The following PKD1L3 variants were observed in gnomAD, a reference collection of about 807,000 sequenced individuals.
PKD1L3 encodes polycystin-1-like protein 3.
In PKD1L3, 239 loss-of-function variants were observed where a neutral mutation model predicts 184.1. The observed-to-expected ratio is 1.30, with a 90% CI of 1.17 to 1.45. PKD1L3 has a LOEUF of 1.45. PKD1L3 is among the 40% of genes most tolerant of loss of function. The pLI, the probability that PKD1L3 is intolerant of heterozygous loss-of-function variation, is 0.00. For missense variants in PKD1L3, 2,660 were observed against 2,067.2 expected (o/e 1.29, Z -5.56); for synonymous variants, 996 against 778.8 (o/e 1.28, Z -4.64).
Position 71,933,833 on chromosome 16 carries a change from G to A in PKD1L3, c.4824+82C>T, listed in dbSNP as rs931287765. On this transcript the variant is annotated intron_variant, in intron 27 of 29. Transcript: ENST00000620267. ...CTACTGTACCACCTCGGGTTTCTGT[G>A]TTGTGACCATTTCTATGGGAAGCGA... is the stretch of plus-strand genomic sequence containing the variant. 10 of 1,458,248 alleles carry A rather than the reference G, an allele frequency of 6.9e-6. No individual in the cohort carries two copies. In the African/African-American group the frequency reaches 8.4e-5, roughly 12 times the overall value. 90.3% of individuals were successfully genotyped at this position (1,458,248 alleles called of 1,614,324 possible).
Position 71,990,282 on chromosome 16 carries a change from G to T in PKD1L3, c.583C>A (p.Leu195Ile), listed in dbSNP as rs1322704270. ...ATGTTGTCAAGGGAAGCACTTACAA[G>T]ATGAGCAGGAAGAGGATAGTGACAT... The part of the protein sequence containing the change: ...TTCHYPLPAH[L>I]SKTLCHPISQ... The change falls in exon 4 of 30, where the codon CTT becomes ATT. Residue 195 changes from leucine (L) to isoleucine (I), a missense_variant and splice_region_variant. Leu to Ile is a conservative substitution (Grantham distance 5, BLOSUM62 2). Coordinates refer to ENST00000620267, the MANE Select transcript of PKD1L3 (RefSeq NM_181536.2). 19 of 1,545,704 alleles carry T rather than the reference G, an allele frequency of 1.2e-5. No individual in the cohort carries two copies. In the East Asian group the frequency reaches 4.4e-4, roughly 36 times the overall value.
At chr16:71,992,046 C>T (rs1001013274) in intron 3 of PKD1L3, among the ~76,000 whole-genome samples, 3 of 152,066 alleles carry the variant, frequency 2.0e-5, no homozygotes, top group Non-Finnish European at 4.4e-5. Flanking sequence ...GACTGGAACT[C>T]CTGGCCTCAA....
At chr16:71,974,791 C>T (rs1448369209) in intron 11 of PKD1L3, among the ~76,000 whole-genome samples, 2 of 152,156 alleles carry the variant, frequency 1.3e-5, no homozygotes, top group Non-Finnish European at 2.9e-5. Context: ...ATTGCTGCCT[C>T]GGGGACTTTG....
At chr16:71,982,024 A>T in intron 7 of PKD1L3, 35 bp downstream of exon 7, 1 of 1,500,474 alleles carries the variant, frequency 6.7e-7, no homozygotes, top group East Asian at 2.5e-5. Flanking sequence ...AAATGCTTCT[A>T]AGCAGATCTG....
At chr16:71,961,696 G>C (rs1160551694) in intron 16 of PKD1L3, among the ~76,000 whole-genome samples, 1 of 152,074 alleles carries the variant, frequency 6.6e-6, no homozygotes, top group Non-Finnish European at 1.5e-5. Flanking sequence ...GACCCAGCCA[G>C]GATGAAAGAT....
At chr16:71,960,045 T>C (rs2039209532) in intron 16 of PKD1L3, among the ~76,000 whole-genome samples, 2 of 152,016 alleles carry the variant, frequency 1.3e-5, no homozygotes, top group African/African-American at 4.8e-5. Context: ...CACCTGAGGC[T>C]GGCGAGGTTG....
chr16:71,990,424 T>C, intron 3 of PKD1L3, 95 bp from the exon 4 acceptor site: 2 of 1,091,560 alleles, frequency 1.8e-6, no homozygotes, highest in Non-Finnish European at 2.6e-6. Flanking sequence ...CTAAAAATAA[T>C]GCAAATTGTT....
At position 71,977,565 on chromosome 16, in the gene PKD1L3, T is replaced by TCC. The variant is rs1567536716; in HGVS notation, c.1528-99_1528-98insGG. 2.0e-4 allele frequency: 175 copies of TCC among 874,164 alleles called. 1 individual carries two copies. Among genetic ancestry groups the TCC allele is most frequent in the Middle Eastern group, 3.1e-4 (1 of 3,274 alleles). The allele number at this position is 874,164 out of a possible 1,614,324, so 54.2% of individuals were successfully genotyped here. A position where few individuals can be genotyped will look rare whatever the true frequency, so the allele number is the denominator to read the frequency against. On this transcript the variant is annotated intron_variant, in intron 10 of 29. Coordinates refer to ENST00000620267, the MANE Select transcript of PKD1L3 (RefSeq NM_181536.2). ...GGTAAGGAAACGTCCTAGCTCTTTT[T>TCC]TTTTTTTTTTTTTTTGAGATGGGGT...
At chr16:71,929,770 A>T in intron 29 of PKD1L3, 92 bp from the exon 30 acceptor site, 1 of 1,240,874 alleles carries the variant, frequency 8.1e-7, no homozygotes, top group East Asian at 2.5e-5. Flanking sequence ...TTAAAAAATT[A>T]GTAAATGTAA....
In PKD1L3 at chr16:71,982,135, C is replaced by T; in HGVS notation, c.1067G>A (p.Cys356Tyr). 2.6e-6 allele frequency: 4 copies of T among 1,551,980 alleles called. No homozygotes were observed. The highest frequency in any genetic ancestry group is 1.2e-5 in the South Asian group (1 of 84,024). Residue 356 changes from cysteine to tyrosine, a missense_variant, in exon 7 of 30, where the codon TGC becomes TAC. Cys to Tyr is a radical substitution (Grantham distance 194). Transcript: ENST00000620267. ...GACATTGTTGAGGGAATGAAAGGGG[C>T]AGACAGTTGGAGGAACTTTGAAGCC... is the stretch of plus-strand genomic sequence containing the variant. ...SLGFKVPPTV[C>Y]PFHSLNNVTK...
chr16:71,987,484 T>C (rs978077690), intron 4 of PKD1L3, among the ~76,000 whole-genome samples: 4 of 152,218 alleles, frequency 2.6e-5, no homozygotes, highest in African/African-American at 7.2e-5. Context: ...GCAATTCTCC[T>C]GGCTCAGCCT....
intron 6 of PKD1L3, among the ~76,000 whole-genome samples, chr16:71,982,925 A>T (rs1488956669): frequency 6.6e-6 from 1 of 152,158 alleles, no homozygotes; most frequent in East Asian, 1.9e-4. Flanking sequence ...ACTTCTTATT[A>T]GCAGCTTAAT....
chr16:71,996,452 G>C (rs756170623), intron 2 of PKD1L3, among the ~76,000 whole-genome samples: 2 of 151,850 alleles, frequency 1.3e-5, no homozygotes, highest in African/African-American at 2.4e-5. Flanking sequence ...GTAGAGACTG[G>C]GGTTTCACCA....
At chr16:71,963,024 T>C (rs1318394190) in intron 16 of PKD1L3, among the ~76,000 whole-genome samples, 181 bp downstream of exon 16, 1 of 152,210 alleles carries the variant, frequency 6.6e-6, no homozygotes. Flanking sequence ...TCTCTTTTTG[T>C]CTTCCTTCTG....
In PKD1L3 at chr16:71,970,221, C is replaced by G. The variant is rs998952266; in HGVS notation, c.1954-116G>C. 7 of 801,532 alleles carry G rather than the reference C, an allele frequency of 8.7e-6. No homozygotes were observed. In the African/African-American group the frequency reaches 1.2e-4, roughly 14 times the overall value. 49.7% of individuals were successfully genotyped at this position (801,532 alleles called of 1,614,324 possible). A position where few individuals can be genotyped will look rare whatever the true frequency, so the allele number is the denominator to read the frequency against. ...AAGAGGTATCTGGTTCTCTCATTCA[C>G]AGCTGGTGATGGCGTAAATTGGTAT... is the stretch of plus-strand genomic sequence containing the variant. On this transcript the variant is annotated intron_variant, in intron 12 of 29. Transcript: ENST00000620267.
intron 22 of PKD1L3, among the ~76,000 whole-genome samples, 199 bp downstream of exon 22, chr16:71,947,293 T>C (rs1333763582): frequency 6.6e-6 from 1 of 151,736 alleles, no homozygotes; most frequent in Admixed American, 6.6e-5. Context: ...AGGGGAGAGA[T>C]GAAGCACTGG....
At position 71,970,109 on chromosome 16, in the gene PKD1L3, G is replaced by A. The variant is rs1198354246; in HGVS notation, c.1954-4C>T. The A allele has an allele frequency of 1.3e-6, 2 of 1,549,678 alleles. No individual in the cohort carries two copies. Among genetic ancestry groups the A allele is most frequent in the Non-Finnish European group, 1.7e-6 (2 of 1,145,268 alleles). On this transcript the variant is annotated splice_polypyrimidine_tract_variant and splice_region_variant and intron_variant, in intron 12 of 29. Transcript: ENST00000620267. Reference sequence around the variant, plus strand: ...GAATTGTGCTCTGTGGCCCAACCTGGAATTAGAATCAAGACGTTGATTCTA... The same window carrying A: ...GAATTGTGCTCTGTGGCCCAACCTGAAATTAGAATCAAGACGTTGATTCTA...
intron 12 of PKD1L3, among the ~76,000 whole-genome samples, chr16:71,972,524 A>T (rs2039755009): frequency 6.6e-6 from 1 of 152,006 alleles, no homozygotes; most frequent in Non-Finnish European, 1.5e-5. Flanking sequence ...TCTGTTCAAA[A>T]ATCTAAAACA....
intron 2 of PKD1L3, among the ~76,000 whole-genome samples, chr16:71,993,609 G>T (rs1020386441): frequency 6.6e-6 from 1 of 152,146 alleles, no homozygotes; most frequent in African/African-American, 2.4e-5. Context: ...CACTAGGCAT[G>T]TGGAGTTATT....
Sources: allele counts gnomAD v4.1 joint callset (sites outside exome capture counted in the v4.1 genomes callset), GRCh38; gene constraint gnomAD v4.1.1; transcripts MANE v1.5; gene names NCBI Gene and HGNC (gene_info 2026-07-23, HGNC 2026-07-21).